The following PCDHGA9 variants were observed in gnomAD, a reference collection of about 807,000 sequenced individuals.
The protein encoded by PCDHGA9 is protocadherin gamma subfamily A, 9.
A neutral mutation model predicts 62.5 loss-of-function variants in PCDHGA9; 37 were observed. The observed-to-expected ratio is 0.59, with a 90% CI of 0.46 to 0.78. PCDHGA9 has a LOEUF of 0.78. Ranked by LOEUF, PCDHGA9 falls within the 30% of genes least tolerant of loss-of-function variation. PCDHGA9 has a pLI of 0.00. For missense variants in PCDHGA9, 1,138 were observed against 1,166.2 expected (o/e 0.98, Z 0.35); for synonymous variants, 459 against 484.6 (o/e 0.95, Z 0.69).
intron 1 of PCDHGA9, chr5:141,415,157 C>G: frequency 6.2e-7 from 1 of 1,613,864 alleles, no homozygotes. Context: ...CTCTCCGCCA[C>G]TGTCACGCTC....
chr5:141,473,860 A>G (rs184722742), intron 1 of PCDHGA9, among the ~76,000 whole-genome samples: 409 of 152,318 alleles, frequency 2.7e-3, no homozygotes, highest in Middle Eastern at 6.8e-3. Context: ...GAACCTCGCT[A>G]TTGTGGAGAA....
chr5:141,492,005 C>T (rs1444993907), intron 1 of PCDHGA9: 2 of 642,268 alleles, frequency 3.1e-6, no homozygotes, highest in Admixed American at 7.4e-5. Flanking sequence ...GGGCGATTTC[C>T]GCGGGTGTCG....
intron 1 of PCDHGA9, chr5:141,492,007 C>T (rs1261430567): frequency 3.0e-5 from 19 of 628,956 alleles, no homozygotes; most frequent in Non-Finnish European, 4.6e-5. Flanking sequence ...GCGATTTCCG[C>T]GGGTGTCGGG....
chr5:141,427,205 C>T lies in PCDHGA9; in HGVS notation c.2424+21829C>T, dbSNP rs73280903. 3.4e-3 allele frequency: 1,562 copies of T among 456,606 alleles called. 21 individuals carry two copies. Among genetic ancestry groups the T allele is most frequent in the African/African-American group, 0.028 (1,422 of 50,136 alleles). 28.3% of individuals were successfully genotyped at this position (456,606 alleles called of 1,614,324 possible). Reference sequence around the variant, plus strand: ...TTAAATCCAAAGACTTAATAGACTTCGAATTTCGTAGCAGTTATACCATGA... The same window carrying T: ...TTAAATCCAAAGACTTAATAGACTTTGAATTTCGTAGCAGTTATACCATGA... On this transcript the variant is annotated intron_variant, in intron 1 of 3. Transcript: ENST00000573521.
At position 141,491,597 on chromosome 5, in the gene PCDHGA9, A is replaced by T. The variant is rs1389838814; in HGVS notation, c.2425-3210A>T. Reference sequence around the variant, plus strand: ...TTTTCACCGGCCTCGGACGGCAGTGACTTCACTTTTCTAAGACCCCTCAGC... The same window carrying T: ...TTTTCACCGGCCTCGGACGGCAGTGTCTTCACTTTTCTAAGACCCCTCAGC... On this transcript the variant is annotated intron_variant, in intron 1 of 3. Coordinates refer to ENST00000573521, the MANE Select transcript of PCDHGA9 (RefSeq NM_018921.3). This position sits in a 1 kb window ranked among gnomAD's most constrained non-coding sequence, Gnocchi z 6.9. 1.2e-6 allele frequency: 2 copies of T among 1,613,788 alleles called. No individual in the cohort carries two copies. The highest frequency in any genetic ancestry group is 1.7e-6 in the Non-Finnish European group (2 of 1,180,012).
At position 141,486,548 on chromosome 5, in the gene PCDHGA9, T is replaced by C; in HGVS notation, c.2425-8259T>C. 1 of 1,614,100 alleles carries C rather than the reference T, an allele frequency of 6.2e-7. No individual in the cohort carries two copies. ...TAATCCACCCTCTTTCTTTCAGAGG[T>C]CACATGAGGTGTTTGTTCCTGAGAA... is the stretch of plus-strand genomic sequence containing the variant. On this transcript the variant is annotated intron_variant, in intron 1 of 3. Coordinates refer to ENST00000573521, the MANE Select transcript of PCDHGA9 (RefSeq NM_018921.3). The surrounding 1 kb of genome is among the most constrained non-coding windows in gnomAD (Gnocchi z 5.0).
chr5:141,448,565 AT>A (rs2098595794), intron 1 of PCDHGA9, among the ~76,000 whole-genome samples: 1 of 152,070 alleles, frequency 6.6e-6, no homozygotes, highest in Non-Finnish European at 1.5e-5. Flanking sequence ...ATATATTTTT[AT>A]TTCCCCATTT....
In PCDHGA9 at chr5:141,476,264, G is replaced by A. The variant is rs753184649; in HGVS notation, c.2425-18543G>A. The A allele has an allele frequency of 2.5e-6, 4 of 1,614,082 alleles. No individual in the cohort carries two copies. The highest frequency in any genetic ancestry group is 3.4e-6 in the Non-Finnish European group (4 of 1,180,010). Reference sequence around the variant, plus strand: ...AGAGAAGGGTTTCGCTGTGGGCAACGTGGTCGCGAACCTTGGTTTGGATCT... The same window carrying A: ...AGAGAAGGGTTTCGCTGTGGGCAACATGGTCGCGAACCTTGGTTTGGATCT... On this transcript the variant is annotated intron_variant, in intron 1 of 3. Coordinates refer to ENST00000573521, the MANE Select transcript of PCDHGA9 (RefSeq NM_018921.3). The surrounding 1 kb of genome is among the most constrained non-coding windows in gnomAD (Gnocchi z 7.6).
At position 141,487,128 on chromosome 5, in the gene PCDHGA9, G is replaced by A; in HGVS notation, c.2425-7679G>A. The A allele has an allele frequency of 6.2e-7, 1 of 1,614,086 alleles. No individual in the cohort carries two copies. ...GTCATTGTGGTAAAGGATAGTGGTA[G>A]TCCACCACTCTCTACCTCTGTTACT... is the stretch of plus-strand genomic sequence containing the variant. On this transcript the variant is annotated intron_variant, in intron 1 of 3. Transcript: ENST00000573521. This position sits in a 1 kb window ranked among gnomAD's most constrained non-coding sequence, Gnocchi z 5.0.
intron 1 of PCDHGA9, among the ~76,000 whole-genome samples, chr5:141,454,357 TAGAA>T (rs758087339): frequency 3.5e-4 from 54 of 152,354 alleles, no homozygotes; most frequent in Non-Finnish European, 6.3e-4. Context: ...GATCCAAACT[TAGAA>T]AGGAGTATGG....
intron 1 of PCDHGA9, chr5:141,417,739 C>T: frequency 6.4e-6 from 9 of 1,411,706 alleles, no homozygotes; most frequent in Non-Finnish European, 5.6e-6. Flanking sequence ...GCCCAGCACA[C>T]CAGATTGCCA....
intron 1 of PCDHGA9, chr5:141,408,865 A>G (rs765751172): frequency 6.2e-7 from 1 of 1,613,684 alleles, no homozygotes. Context: ...GGGACCCACC[A>G]AGAAGTGCCA....
Position 141,486,243 on chromosome 5 carries a change from G to T in PCDHGA9, c.2425-8564G>T. ...TACATCACAGTGACCTCAGAGCTTG[G>T]AACCCTCCCCGAGAGTGCAGAACCT... is the stretch of plus-strand genomic sequence containing the variant. On this transcript the variant is annotated intron_variant, in intron 1 of 3. Coordinates refer to ENST00000573521, the MANE Select transcript of PCDHGA9 (RefSeq NM_018921.3). The surrounding 1 kb of genome is among the most constrained non-coding windows in gnomAD (Gnocchi z 5.0). 1 of 1,614,156 alleles carries T rather than the reference G, an allele frequency of 6.2e-7. No individual in the cohort carries two copies. Among genetic ancestry groups the T allele is most frequent in the Non-Finnish European group, 8.5e-7 (1 of 1,180,018 alleles).
intron 1 of PCDHGA9, among the ~76,000 whole-genome samples, chr5:141,472,437 G>A (rs1332528325): frequency 6.6e-6 from 1 of 152,116 alleles, no homozygotes; most frequent in Non-Finnish European, 1.5e-5. Flanking sequence ...CTACTAGGGA[G>A]GCTGAGGCAG....
At position 141,487,047 on chromosome 5, in the gene PCDHGA9, C is replaced by T; in HGVS notation, c.2425-7760C>T. The T allele has an allele frequency of 6.2e-7, 1 of 1,614,188 alleles. No individual in the cohort carries two copies. Among genetic ancestry groups the T allele is most frequent in the Non-Finnish European group, 8.5e-7 (1 of 1,180,032 alleles). ...AGCCTGTTTGCAGTCTCTCGATATGCTGGGGAGGTGCGGACGGCTGTTCCT... is the reference window on the plus strand; with the variant it reads ...AGCCTGTTTGCAGTCTCTCGATATGTTGGGGAGGTGCGGACGGCTGTTCCT... On this transcript the variant is annotated intron_variant, in intron 1 of 3. Coordinates refer to ENST00000573521, the MANE Select transcript of PCDHGA9 (RefSeq NM_018921.3). This position sits in a 1 kb window ranked among gnomAD's most constrained non-coding sequence, Gnocchi z 5.0.
intron 1 of PCDHGA9, among the ~76,000 whole-genome samples, chr5:141,455,177 T>C (rs2098816411): frequency 6.6e-6 from 1 of 152,040 alleles, no homozygotes; most frequent in Non-Finnish European, 1.5e-5. Context: ...TTTTAGTTTT[T>C]TTATTTCTCT....
At chr5:141,505,804 G>A (rs554534524) in intron 3 of PCDHGA9, among the ~76,000 whole-genome samples, 13 of 152,240 alleles carry the variant, frequency 8.5e-5, no homozygotes, top group Admixed American at 3.3e-4. Context: ...GACTTGGATC[G>A]ACTTGCTCAA....
At chr5:141,419,298 A>G in intron 1 of PCDHGA9, 1 of 1,613,988 alleles carries the variant, frequency 6.2e-7, no homozygotes, top group Non-Finnish European at 8.5e-7. Context: ...TCTGACCCAG[A>G]CTTCGGGCTC....
At chr5:141,465,494 G>C (rs2099104306) in intron 1 of PCDHGA9, among the ~76,000 whole-genome samples, 1 of 152,204 alleles carries the variant, frequency 6.6e-6, no homozygotes, top group African/African-American at 2.4e-5. Context: ...ATGAGCGGGA[G>C]CATTGTCGTG....
Sources: allele counts gnomAD v4.1 joint callset (sites outside exome capture counted in the v4.1 genomes callset), GRCh38; gene constraint gnomAD v4.1.1; non-coding constraint Gnocchi (gnomAD v3.1); transcripts MANE v1.5; gene names NCBI Gene and HGNC (gene_info 2026-07-23, HGNC 2026-07-21).